The following GABRB2 variants were observed in gnomAD, a reference collection of about 807,000 sequenced individuals.
GABRB2 encodes the protein gamma-aminobutyric acid type A receptor subunit beta2.
Under a neutral mutation model 54.7 loss-of-function variants are expected in GABRB2, and 16 were observed. That is an observed-to-expected ratio of 0.29 (90% CI 0.20 to 0.44). GABRB2 has a LOEUF of 0.44. GABRB2 is among the 20% of genes least tolerant of loss of function. The pLI, the probability that GABRB2 is intolerant of heterozygous loss-of-function variation, is 1.00. For missense variants in GABRB2, 355 were observed against 644.0 expected (o/e 0.55, Z 4.86); for synonymous variants, 244 against 233.8 (o/e 1.04, Z -0.40).
At chr5:161,375,873 A>T (rs1345736) in intron 5 of GABRB2, among the ~76,000 whole-genome samples, 84,790 of 151,984 alleles carry the variant, frequency 0.56, 25,468 homozygotes, top group South Asian at 0.67. Flanking sequence ...TTCTTGACCA[A>T]CCAGGATAAA....
intron 3 of GABRB2, among the ~76,000 whole-genome samples, chr5:161,477,444 C>A (rs1457843259): frequency 1.3e-5 from 2 of 151,684 alleles, no homozygotes; most frequent in African/African-American, 2.4e-5. Flanking sequence ...ATCCAGCAAG[C>A]CAAGTTCTGG....
chr5:161,316,384 G>A (rs1289641924), intron 9 of GABRB2, among the ~76,000 whole-genome samples: 1 of 152,138 alleles, frequency 6.6e-6, no homozygotes, highest in Non-Finnish European at 1.5e-5. Context: ...AGGTGACTTT[G>A]TCTAAATGTG....
intron 5 of GABRB2, among the ~76,000 whole-genome samples, chr5:161,369,054 G>A (rs1755054013): frequency 6.6e-6 from 1 of 152,170 alleles, no homozygotes. Flanking sequence ...TGACAACTAA[G>A]TAATGCCTAT....
At chr5:161,444,590 T>A (rs1454755069) in intron 4 of GABRB2, among the ~76,000 whole-genome samples, 1 of 152,300 alleles carries the variant, frequency 6.6e-6, no homozygotes, top group Admixed American at 6.5e-5. Context: ...GGTCAACTCA[T>A]ATTTGCACTT....
chr5:161,488,639 T>C (rs1329124492), intron 3 of GABRB2, among the ~76,000 whole-genome samples: 1 of 151,838 alleles, frequency 6.6e-6, no homozygotes, highest in Non-Finnish European at 1.5e-5. Context: ...TGCAGTTATA[T>C]TTTTATTATC....
intron 5 of GABRB2, among the ~76,000 whole-genome samples, chr5:161,402,694 A>G (rs901323977): frequency 1.3e-5 from 2 of 152,196 alleles, no homozygotes; most frequent in African/African-American, 4.8e-5. Flanking sequence ...CTGCACCAGC[A>G]GTATCTGTAT....
intron 3 of GABRB2, among the ~76,000 whole-genome samples, chr5:161,513,073 A>C (rs1581048001): frequency 6.6e-6 from 1 of 151,948 alleles, no homozygotes; most frequent in East Asian, 1.9e-4. Flanking sequence ...AAAAACAAAA[A>C]AACAAGAGAT....
intron 3 of GABRB2, among the ~76,000 whole-genome samples, chr5:161,483,961 C>G (rs988081027): frequency 1.3e-5 from 2 of 151,818 alleles, no homozygotes; most frequent in East Asian, 3.9e-4. Context: ...AATATGCTTC[C>G]TTGTGATTTT....
At chr5:161,465,147 T>C (rs62381570) in intron 3 of GABRB2, among the ~76,000 whole-genome samples, 24,978 of 152,080 alleles carry the variant, frequency 0.16, 2,136 homozygotes, top group East Asian at 0.2. Context: ...TGATGTGAAC[T>C]TGAGGGAATC....
At chr5:161,460,659 C>G (rs530573933) in intron 3 of GABRB2, among the ~76,000 whole-genome samples, 1 of 151,908 alleles carries the variant, frequency 6.6e-6, no homozygotes, top group South Asian at 2.1e-4. Context: ...TCCATTCATT[C>G]ATTCATTAAA....
rs1757265376 is a variant in GABRB2, at chr5:161,292,484, A to G, written c.*1597T>C. On this transcript the variant is annotated 3_prime_UTR_variant, in exon 10 of 10. Transcript: ENST00000393959. ...TATTAGCTTATTCTCCTCTTGTCCAACATATGAATGCTTATGTCCAATTAG... is the reference window on the plus strand; with the variant it reads ...TATTAGCTTATTCTCCTCTTGTCCAGCATATGAATGCTTATGTCCAATTAG... 6.6e-6 allele frequency: 1 copy of G among 152,114 alleles called. No individual in the cohort carries two copies. Among genetic ancestry groups the G allele is most frequent in the Admixed American group, 6.5e-5 (1 of 15,272 alleles). The allele number at this position is 152,114 out of a possible 1,614,324, so 9.4% of individuals were successfully genotyped here.
intron 5 of GABRB2, among the ~76,000 whole-genome samples, chr5:161,384,000 G>A (rs746295456): frequency 7.9e-5 from 12 of 152,054 alleles, no homozygotes; most frequent in South Asian, 2.1e-4. Flanking sequence ...TGATTCTCCC[G>A]CCTTGGCCTC....
intron 4 of GABRB2, among the ~76,000 whole-genome samples, chr5:161,426,993 CA>C (rs1212957251): frequency 3.3e-5 from 5 of 152,114 alleles, no homozygotes; most frequent in Non-Finnish European, 7.4e-5. Flanking sequence ...AGATAAAGAA[CA>C]GCTGTGTTGT....
chr5:161,462,410 A>C (rs1379290006), intron 3 of GABRB2, among the ~76,000 whole-genome samples: 1 of 152,198 alleles, frequency 6.6e-6, no homozygotes, highest in African/African-American at 2.4e-5. Flanking sequence ...AGGACATAAA[A>C]AATAAAACAT....
chr5:161,498,352 T>G (rs1166251269), intron 3 of GABRB2, among the ~76,000 whole-genome samples: 2 of 124 alleles, frequency 0.016, no homozygotes, highest in East Asian at 0.25. Context: ...AATCTTTAGT[T>G]TTTTTTTTTT....
intron 5 of GABRB2, among the ~76,000 whole-genome samples, chr5:161,356,271 T>C (rs561963214): frequency 1.3e-5 from 2 of 152,220 alleles, no homozygotes; most frequent in African/African-American, 4.8e-5. Flanking sequence ...ATTCTATTTA[T>C]TTTTTAAGTA....
At chr5:161,542,816 C>T (rs1372074491) in intron 3 of GABRB2, among the ~76,000 whole-genome samples, 4 of 152,204 alleles carry the variant, frequency 2.6e-5, no homozygotes, top group African/African-American at 9.6e-5. Context: ...CATTCTTTCA[C>T]ACCTGAAGCT....
intron 9 of GABRB2, among the ~76,000 whole-genome samples, chr5:161,314,856 T>A (rs1188538680): frequency 6.6e-6 from 1 of 152,214 alleles, no homozygotes; most frequent in South Asian, 2.1e-4. Flanking sequence ...TATTGACTGA[T>A]AAAAAAGGAA....
At chr5:161,537,897 A>G (rs1459593902) in intron 3 of GABRB2, among the ~76,000 whole-genome samples, 1 of 151,820 alleles carries the variant, frequency 6.6e-6, no homozygotes, top group Admixed American at 6.6e-5. Flanking sequence ...CAAATCCCTA[A>G]TACCATTTAT....
Sources: gnomAD v4.1 joint callset for allele counts (sites outside exome capture counted in the v4.1 genomes callset) on GRCh38, gnomAD v4.1.1 for gene constraint, MANE v1.5 for transcripts, NCBI Gene and HGNC (gene_info 2026-07-23, HGNC 2026-07-21) for gene names.